KHDRBS3: variants seen among roughly 807,000 people sequenced by gnomAD.
KHDRBS3 encodes the protein KH domain-containing, RNA-binding, signal transduction-associated protein 3.
A neutral mutation model predicts 45.6 loss-of-function variants in KHDRBS3; 23 were observed. That is an observed-to-expected ratio of 0.50 (90% confidence interval 0.36 to 0.72). The LOEUF (loss-of-function observed/expected upper bound fraction) is 0.72. Among genes scored for constraint, KHDRBS3 ranks in the 30% least tolerant of loss-of-function variants. The pLI, the probability that KHDRBS3 is intolerant of heterozygous loss-of-function variation, is 0.00. For missense variants in KHDRBS3, 352 were observed against 424.8 expected, an observed-to-expected ratio of 0.83 and a Z score of 1.51; for synonymous variants, 162 against 156.5, an observed-to-expected ratio of 1.04 and a Z score of -0.26.
At chr8:135,495,494 GAATT>G (rs1823392014) in intron 1 of KHDRBS3, among the ~76,000 whole-genome samples, 1 of 152,170 alleles carries the variant, frequency 6.6e-6, no homozygotes, top group Non-Finnish European at 1.5e-5. Context: ...ATCATGACAA[GAATT>G]AATTATATCA....
At chr8:135,597,193 A>G (rs1260046111) in intron 6 of KHDRBS3, among the ~76,000 whole-genome samples, 1 of 152,150 alleles carries the variant, frequency 6.6e-6, no homozygotes, top group Non-Finnish European at 1.5e-5. Flanking sequence ...GTGTCCCCAC[A>G]GGGCAGAAGG....
chr8:135,577,441 A>G (rs1314200346), intron 5 of KHDRBS3, among the ~76,000 whole-genome samples: 1 of 127,674 alleles, frequency 7.8e-6, no homozygotes, highest in African/African-American at 2.5e-5. Context: ...TGTGTTAACT[A>G]CTGATTTTTT....
intron 1 of KHDRBS3, among the ~76,000 whole-genome samples, chr8:135,508,963 A>G (rs1214096838): frequency 2.0e-5 from 3 of 152,312 alleles, no homozygotes; most frequent in Admixed American, 6.5e-5. Context: ...CCAGATAAAA[A>G]TGAGTCATTA....
At chr8:135,622,022 A>G (rs565514710) in intron 7 of KHDRBS3, among the ~76,000 whole-genome samples, 8 of 151,312 alleles carry the variant, frequency 5.3e-5, no homozygotes, top group Admixed American at 5.3e-4. Flanking sequence ...CCTCCACTCC[A>G]CTCCTGAGCT....
chr8:135,647,048 G>C lies in KHDRBS3; in HGVS notation c.1005G>C (p.Lys335Asn). 1 of 1,610,478 alleles carries C rather than the reference G, an allele frequency of 6.2e-7. No homozygotes were observed. Among genetic ancestry groups the C allele is most frequent in the Non-Finnish European group, 8.5e-7 (1 of 1,176,742 alleles). The change falls in exon 9 of 9, where the codon AAG (lysine) becomes AAC (asparagine). Residue 335 changes from lysine to asparagine, a missense_variant. By Grantham distance (94) the Lys-to-Asn change is moderately conservative (BLOSUM62 0). Coordinates refer to ENST00000355849, the MANE Select transcript of KHDRBS3 (RefSeq NM_006558.3). ...RHKAPSARTA[K>N]GVYRDQPYGR... is the part of the protein sequence containing the mutation. ...AGGCACCTTCAGCGAGGACAGCAAA[G>C]GGCGTCTACAGAGACCAGCCATATG... is the stretch of plus-strand genomic sequence containing the variant.
intron 7 of KHDRBS3, among the ~76,000 whole-genome samples, chr8:135,634,730 C>G (rs1830740365): frequency 2.6e-5 from 4 of 152,156 alleles, no homozygotes; most frequent in Admixed American, 2.6e-4. Context: ...CCCAGAAGAC[C>G]AAGCTTTGTA....
Position 135,457,780 on chromosome 8 carries a change from G to T in KHDRBS3, c.-87G>T, listed in dbSNP as rs1821183881. The T allele has an allele frequency of 2.9e-6, 2 of 678,530 alleles. No homozygotes were observed. Among genetic ancestry groups the T allele is most frequent in the Non-Finnish European group, 4.1e-6 (2 of 491,528 alleles). 42.0% of individuals were successfully genotyped at this position (678,530 alleles called of 1,614,324 possible). ...CGCGTCTGGCCCCCGGGTCCCCGCC[G>T]CTGGGGGCGCGGGCGGGGTCGGGGG... On this transcript the variant is annotated 5_prime_UTR_variant, in exon 1 of 9. Transcript: ENST00000355849. The surrounding 1 kb of genome is among the most constrained non-coding windows in gnomAD (Gnocchi z 4.4).
intron 1 of KHDRBS3, among the ~76,000 whole-genome samples, chr8:135,466,096 T>A (rs1821683872): frequency 6.6e-6 from 1 of 152,264 alleles, no homozygotes; most frequent in Non-Finnish European, 1.5e-5. Flanking sequence ...CATTGGTAGC[T>A]ATTTCTGAAC....
chr8:135,592,409 G>A (rs753014607), intron 6 of KHDRBS3, among the ~76,000 whole-genome samples: 26 of 152,158 alleles, frequency 1.7e-4, no homozygotes, highest in Non-Finnish European at 2.5e-4. Flanking sequence ...GGTTTTATGT[G>A]AGCTGATGTG....
chr8:135,622,802 C>T (rs929449983), intron 7 of KHDRBS3, among the ~76,000 whole-genome samples: 2 of 152,116 alleles, frequency 1.3e-5, no homozygotes, highest in Non-Finnish European at 2.9e-5. Flanking sequence ...CATGCCTTGA[C>T]ACCCAGTGTA....
chr8:135,546,359 A>G (rs1327205512), intron 3 of KHDRBS3, among the ~76,000 whole-genome samples: 1 of 152,196 alleles, frequency 6.6e-6, no homozygotes, highest in Non-Finnish European at 1.5e-5. Flanking sequence ...AGTGTTCACT[A>G]TTAAAATCTA....
chr8:135,555,125 G>A (rs1309733963), intron 4 of KHDRBS3, among the ~76,000 whole-genome samples: 2 of 152,172 alleles, frequency 1.3e-5, no homozygotes, highest in East Asian at 3.8e-4. Context: ...GAATCCCATA[G>A]AATTAGGACT....
chr8:135,635,676 C>T (rs1830781634), intron 7 of KHDRBS3, among the ~76,000 whole-genome samples: 1 of 152,198 alleles, frequency 6.6e-6, no homozygotes. Context: ...AGCCACTGCA[C>T]CCGGCCTGGC....
chr8:135,565,177 C>A (rs976082070), intron 5 of KHDRBS3, among the ~76,000 whole-genome samples: 4 of 152,098 alleles, frequency 2.6e-5, no homozygotes, highest in African/African-American at 9.7e-5. Flanking sequence ...TCCAAAGGAG[C>A]TTCTTGCCCG....
At chr8:135,513,560 C>T (rs561653259) in intron 1 of KHDRBS3, among the ~76,000 whole-genome samples, 1 of 152,250 alleles carries the variant, frequency 6.6e-6, no homozygotes, top group South Asian at 2.1e-4. Context: ...AAGACTCTTA[C>T]TCTCTGAGGT....
rs537259212 is a variant in KHDRBS3, at chr8:135,586,584, A to C, written c.807+4511A>C. ...GGATTAAAAAAATGAACAAAGCGCT[A>C]CTAATACATTTATTGGCAAAAATAA... On this transcript the variant is annotated intron_variant, in intron 6 of 8. Transcript: ENST00000355849. 2.0e-5 allele frequency among the ~76,000 whole-genome samples: 3 copies of C among 152,328 alleles called. No individual in the cohort carries two copies. The South Asian group carries it at 6.2e-4, about 32-fold the overall frequency.
Position 135,462,262 on chromosome 8 carries a change from C to T in KHDRBS3, c.88+4308C>T, listed in dbSNP as rs112725526. ...GTTTTTTTTTTTTTTTAAGAAAATGCGATCACTCACAGTGTTAGATATGCC... is the reference window on the plus strand; with the variant it reads ...GTTTTTTTTTTTTTTTAAGAAAATGTGATCACTCACAGTGTTAGATATGCC... On this transcript the variant is annotated intron_variant, in intron 1 of 8. Coordinates refer to ENST00000355849, the MANE Select transcript of KHDRBS3 (RefSeq NM_006558.3). Among the ~76,000 whole-genome samples the T allele has an allele frequency of 3.5e-3, 507 of 146,220 alleles. 2 individuals are homozygous for T. The highest frequency in any genetic ancestry group is 0.012 in the African/African-American group (453 of 38,228).
At chr8:135,461,672 A>G (rs954233169) in intron 1 of KHDRBS3, among the ~76,000 whole-genome samples, 2 of 152,206 alleles carry the variant, frequency 1.3e-5, no homozygotes, top group Non-Finnish European at 2.9e-5. Flanking sequence ...AGTCTCTGAT[A>G]TTGGTTTGGA....
chr8:135,465,608 A>G (rs1821656195), intron 1 of KHDRBS3, among the ~76,000 whole-genome samples: 1 of 152,216 alleles, frequency 6.6e-6, no homozygotes, highest in Non-Finnish European at 1.5e-5. Flanking sequence ...TGAAGCTTAA[A>G]TTAACAAATG....
Sources: gnomAD v4.1 joint callset for allele counts (sites outside exome capture counted in the v4.1 genomes callset) on GRCh38, gnomAD v4.1.1 for gene constraint, Gnocchi (gnomAD v3.1) non-coding constraint, MANE v1.5 for transcripts, NCBI Gene and HGNC (gene_info 2026-07-23, HGNC 2026-07-21) for gene names.